CHN1: variants seen among roughly 807,000 people sequenced by gnomAD.
The protein encoded by CHN1 is N-chimaerin.
Under a neutral mutation model 59.5 loss-of-function variants are expected in CHN1, and 37 were observed. The ratio of observed to expected loss-of-function variants is 0.62; its 90% confidence interval spans 0.48 to 0.82. The LOEUF (loss-of-function observed/expected upper bound fraction) is 0.82, where lower values mean the gene tolerates loss of function less well. Ranked by LOEUF, CHN1 falls within the 40% of genes least tolerant of loss-of-function variation. The pLI is 0.00. For missense variants in CHN1, 469 were observed against 571.0 expected (o/e 0.82, Z 1.82); for synonymous variants, 206 against 200.4 (o/e 1.03, Z -0.24).
chr2:174,910,742 A>T (rs1027993067), intron 5 of CHN1, among the ~76,000 whole-genome samples: 1 of 152,096 alleles, frequency 6.6e-6, no homozygotes, highest in Non-Finnish European at 1.5e-5. Flanking sequence ...GAGAAAGTAG[A>T]TATCAAAATT....
chr2:174,799,453 A>G lies in CHN1; in HGVS notation c.*663T>C, dbSNP rs1342602453. On this transcript the variant is annotated 3_prime_UTR_variant, in exon 13 of 13. Coordinates refer to ENST00000409900, the MANE Select transcript of CHN1 (RefSeq NM_001822.7). ...ATAAACGCATGCCAGAAAAAATACC[A>G]AATTACAACTGAAAACCAATAATAA... The G allele has an allele frequency of 2.1e-6, 1 of 470,636 alleles. No individual in the cohort carries two copies. Among genetic ancestry groups the G allele is most frequent in the South Asian group, 1.7e-5 (1 of 57,460 alleles). 29.2% of individuals were successfully genotyped at this position (470,636 alleles called of 1,614,324 possible).
chr2:174,949,168 T>C (rs1286097822), intron 2 of CHN1, among the ~76,000 whole-genome samples: 1 of 150,154 alleles, frequency 6.7e-6, no homozygotes, highest in East Asian at 1.9e-4. Context: ...CTGAAGATTA[T>C]TTAGAGCTGG....
chr2:174,951,984 T>C (rs1462891540), intron 2 of CHN1, among the ~76,000 whole-genome samples, 180 bp downstream of exon 2: 1 of 152,208 alleles, frequency 6.6e-6, no homozygotes, highest in Admixed American at 6.5e-5. Context: ...AACCATATAC[T>C]GTACAGACTT....
chr2:174,943,267 C>T (rs1689725959), intron 3 of CHN1, among the ~76,000 whole-genome samples: 1 of 151,726 alleles, frequency 6.6e-6, no homozygotes, highest in Admixed American at 6.6e-5. Context: ...TGTTCTGTTG[C>T]CCAGGCTGGA....
At chr2:174,922,469 C>G (rs1014601050) in intron 3 of CHN1, among the ~76,000 whole-genome samples, 8 of 152,152 alleles carry the variant, frequency 5.3e-5, no homozygotes, top group Admixed American at 5.2e-4. Context: ...GGTAGGAGAA[C>G]TGCTTGAGGC....
intron 8 of CHN1, among the ~76,000 whole-genome samples, chr2:174,817,921 G>A (rs189438416): frequency 3.6e-4 from 55 of 152,308 alleles, no homozygotes; most frequent in Admixed American, 2.7e-3. Flanking sequence ...ACAGGCATGA[G>A]CCATCGCGCC....
chr2:174,827,346 AT>A (rs1451406265), intron 7 of CHN1, among the ~76,000 whole-genome samples: 3 of 152,230 alleles, frequency 2.0e-5, no homozygotes, highest in African/African-American at 7.2e-5. Flanking sequence ...GTGTGAAAAT[AT>A]TCTAATCAAA....
intron 5 of CHN1, among the ~76,000 whole-genome samples, chr2:174,895,334 C>G (rs1046134944): frequency 6.6e-6 from 1 of 151,578 alleles, no homozygotes; most frequent in African/African-American, 2.4e-5. Flanking sequence ...CAAAATAAGC[C>G]AATCATAAAA....
intron 6 of CHN1, among the ~76,000 whole-genome samples, chr2:174,860,490 A>G (rs1339305354): frequency 1.3e-5 from 2 of 152,188 alleles, no homozygotes; most frequent in Non-Finnish European, 2.9e-5. Context: ...AACTACTGAA[A>G]TGCTCAAAGT....
intron 1 of CHN1, among the ~76,000 whole-genome samples, chr2:174,978,562 G>A (rs1691032622): frequency 6.6e-6 from 1 of 152,154 alleles, no homozygotes; most frequent in Admixed American, 6.5e-5. Flanking sequence ...ACAGGTAATG[G>A]CTCATACTTT....
At chr2:174,853,023 G>A (rs576829982) in intron 6 of CHN1, among the ~76,000 whole-genome samples, 162 of 151,978 alleles carry the variant, frequency 1.1e-3, no homozygotes, top group African/African-American at 3.5e-3. Context: ...ACCCTTTTTC[G>A]TATCAACTTT....
At chr2:174,957,452 G>GGC (rs1690246575) in intron 1 of CHN1, among the ~76,000 whole-genome samples, 1 of 140,944 alleles carries the variant, frequency 7.1e-6, no homozygotes. Context: ...GTGTTGGGGG[G>GGC]GGGGGCAGTT....
intron 1 of CHN1, among the ~76,000 whole-genome samples, chr2:174,962,286 AAAACAAAC>A (rs751415653): frequency 6.6e-6 from 1 of 152,162 alleles, no homozygotes; most frequent in Non-Finnish European, 1.5e-5. Context: ...CTCTGTCTCA[AAAACAAAC>A]AAACAAACAA....
At chr2:174,877,669 T>C (rs183324388) in intron 6 of CHN1, among the ~76,000 whole-genome samples, 171 bp downstream of exon 6, 6 of 152,246 alleles carry the variant, frequency 3.9e-5, no homozygotes, top group Non-Finnish European at 5.9e-5. Context: ...CATATTTTAA[T>C]AGAACAAGAA....
intron 2 of CHN1, chr2:174,945,195 T>A (rs543082650): frequency 2.4e-5 from 12 of 495,710 alleles, no homozygotes; most frequent in Non-Finnish European, 3.8e-6. Context: ...TGCTGGATAT[T>A]TGGCTCTGTT....
intron 1 of CHN1, among the ~76,000 whole-genome samples, chr2:174,952,845 T>C (rs1690065444): frequency 6.6e-6 from 1 of 152,160 alleles, no homozygotes; most frequent in Non-Finnish European, 1.5e-5. Context: ...TCATGTTGCC[T>C]GAGTGCAGAT....
intron 6 of CHN1, among the ~76,000 whole-genome samples, chr2:174,852,406 A>G (rs1686763426): frequency 6.6e-6 from 1 of 152,242 alleles, no homozygotes; most frequent in Admixed American, 6.5e-5. Flanking sequence ...GAGAACTACA[A>G]AACATTGCTG....
chr2:174,838,867 G>T (rs1294709603), intron 7 of CHN1, among the ~76,000 whole-genome samples: 1 of 151,842 alleles, frequency 6.6e-6, no homozygotes. Flanking sequence ...ACACAAAAAT[G>T]TGGTGTGTGT....
intron 3 of CHN1, among the ~76,000 whole-genome samples, chr2:174,929,120 G>T (rs968902513): frequency 2.6e-5 from 4 of 152,154 alleles, no homozygotes; most frequent in African/African-American, 7.2e-5. Flanking sequence ...CTAGTTACCA[G>T]TACTAGAAAT....
Sources: allele counts gnomAD v4.1 joint callset (sites outside exome capture counted in the v4.1 genomes callset), GRCh38; gene constraint gnomAD v4.1.1; transcripts MANE v1.5; gene names NCBI Gene and HGNC (gene_info 2026-07-23, HGNC 2026-07-21).